Variants in ELAVL3 observed in about 807,000 individuals in gnomAD.
The protein encoded by ELAVL3 is ELAV like RNA binding protein 3, also known as ELAV-like protein 3.
Under a neutral mutation model 34.2 loss-of-function variants are expected in ELAVL3, and 8 were observed. That is an observed-to-expected ratio of 0.23 (90% confidence interval 0.14 to 0.42). The LOEUF is 0.42. ELAVL3 is among the 10% of genes least tolerant of loss of function. ELAVL3 has a pLI of 1.00. For missense variants in ELAVL3, 273 were observed against 518.8 expected, an observed-to-expected ratio of 0.53 and a Z score of 4.60; for synonymous variants, 209 against 222.1, an observed-to-expected ratio of 0.94 and a Z score of 0.53.
At chr19:11,459,104 C>T (rs572843201) in intron 3 of ELAVL3, among the ~76,000 whole-genome samples, 10 of 151,798 alleles carry the variant, frequency 6.6e-5, no homozygotes, top group East Asian at 1.9e-4. Context: ...CCCACCACCA[C>T]GCCTGACCAG....
chr19:11,467,775 C>T (rs1052747063), intron 1 of ELAVL3, among the ~76,000 whole-genome samples: 27 of 149,410 alleles, frequency 1.8e-4, no homozygotes, highest in African/African-American at 6.4e-4. Flanking sequence ...TGAACCACCG[C>T]GTCTGGCCCC....
In ELAVL3 at chr19:11,451,837, G is replaced by A. The variant is rs1970648679; in HGVS notation, c.*2689C>T. On this transcript the variant is annotated 3_prime_UTR_variant, in exon 7 of 7. Transcript: ENST00000359227. The stretch of plus-strand genomic sequence containing the variant: ...TGTGTGGGGAGGTGCCCCCTCTCTG[G>A]AGCCTGGCCCCCCCCAGGGTGGGGG... The A allele has an allele frequency of 6.6e-6, 1 of 151,752 alleles. No individual in the cohort carries two copies. Among genetic ancestry groups the A allele is most frequent in the Admixed American group, 6.6e-5 (1 of 15,266 alleles). The allele number at this position is 151,752 out of a possible 1,614,324, so 9.4% of individuals were successfully genotyped here.
chr19:11,475,612 C>CA (rs1971247495), intron 1 of ELAVL3, among the ~76,000 whole-genome samples: 1 of 133,768 alleles, frequency 7.5e-6, no homozygotes, highest in Admixed American at 7.6e-5. Flanking sequence ...TCACCATCTA[C>CA]TTTTTTTTTT....
At position 11,466,623 on chromosome 19, in the gene ELAVL3, G is replaced by A. The variant is rs755011401; in HGVS notation, c.214C>T (p.Arg72Trp). The change falls in exon 2 of 7, where the codon CGG becomes TGG. Residue 72 changes from arginine to tryptophan, a missense_variant. By Grantham distance (101) the Arg-to-Trp change is moderately radical. This residue lies in a region of ELAVL3 where 102 missense variants were observed against 250.1 expected (regional missense o/e 0.41). Transcript: ENST00000359227. The surrounding 1 kb of genome is among the most constrained non-coding windows in gnomAD (Gnocchi z 5.0). ...IGDIESCKLV[R>W]DKITGQSLGY... ...GCAGCCACACCTGTGATCTTGTCCC[G>A]AACCAACTTGCAGGACTCGATGTCG... The A allele has an allele frequency of 1.9e-6, 3 of 1,613,910 alleles. No homozygotes were observed. Among genetic ancestry groups the A allele is most frequent in the Non-Finnish European group, 2.5e-6 (3 of 1,179,994 alleles).
At chr19:11,479,645 GC>G in intron 1 of ELAVL3, among the ~76,000 whole-genome samples, 1 of 151,706 alleles carries the variant, frequency 6.6e-6, no homozygotes, top group African/African-American at 2.4e-5. Flanking sequence ...GGCCCCCGGG[GC>G]CCTGGGGGCG....
chr19:11,466,393 T>A lies in ELAVL3; in HGVS notation c.230-118A>T. 9.1e-7 allele frequency: 1 copy of A among 1,096,506 alleles called. No individual in the cohort carries two copies. Among genetic ancestry groups the A allele is most frequent in the Non-Finnish European group, 1.4e-6 (1 of 733,912 alleles). 67.9% of individuals were successfully genotyped at this position (1,096,506 alleles called of 1,614,324 possible). A position where few individuals can be genotyped will look rare whatever the true frequency, so the allele number is the denominator to read the frequency against. ...AAGTTTCCACCTTCCTGTTTCCAGA[T>A]GACACCTTCGATGCTAGAGTCCCAC... On this transcript the variant is annotated intron_variant, in intron 2 of 6. Transcript: ENST00000359227. This position sits in a 1 kb window ranked among gnomAD's most constrained non-coding sequence, Gnocchi z 5.0.
intron 3 of ELAVL3, among the ~76,000 whole-genome samples, chr19:11,459,118 T>G (rs1970830823): frequency 7.0e-6 from 1 of 142,680 alleles, no homozygotes; most frequent in Admixed American, 6.8e-5. Context: ...TGACCAGCAT[T>G]TTTTTTTTCT....
chr19:11,456,803 A>G (rs1238119306), intron 6 of ELAVL3, among the ~76,000 whole-genome samples: 1 of 152,062 alleles, frequency 6.6e-6, no homozygotes, highest in Non-Finnish European at 1.5e-5. Flanking sequence ...AGCCTGAACT[A>G]CAGGCATGCA....
chr19:11,467,480 T>G (rs1166111931), intron 1 of ELAVL3, among the ~76,000 whole-genome samples: 1 of 151,504 alleles, frequency 6.6e-6, no homozygotes, highest in Admixed American at 6.6e-5. Context: ...ACAGTAGCTT[T>G]CTTTGTTTTT....
At chr19:11,470,016 C>T (rs1971131477) in intron 1 of ELAVL3, among the ~76,000 whole-genome samples, 1 of 151,618 alleles carries the variant, frequency 6.6e-6, no homozygotes, top group Non-Finnish European at 1.5e-5. Flanking sequence ...ATAATCACAC[C>T]ACTGCACTCC....
rs1393513165 is a variant in ELAVL3 at position 11,454,821 on chromosome 19, A to G, written c.809T>C (p.Leu270Pro). Residue 270 changes from leucine to proline, a missense_variant, in exon 7 of 7, where the codon CTG (leucine) becomes CCG (proline). Coordinates refer to ENST00000359227, the MANE Select transcript of ELAVL3 (RefSeq NM_001420.4). The surrounding 1 kb of genome is among the most constrained non-coding windows in gnomAD (Gnocchi z 9.2). ...SPIAIDGMSG[L>P]AGVGLSGGAA... ...GCCCCCCGACAGGCCCACGCCCGCC[A>G]GGCCGCTCATACCATCGATGGCGAT... 6.2e-7 allele frequency: 1 copy of G among 1,610,138 alleles called. No homozygotes were observed. The highest frequency in any genetic ancestry group is 1.1e-5 in the South Asian group (1 of 90,950).
intron 3 of ELAVL3, among the ~76,000 whole-genome samples, chr19:11,463,641 G>A (rs560248209): frequency 1.3e-5 from 2 of 152,114 alleles, no homozygotes; most frequent in Non-Finnish European, 2.9e-5. Context: ...GGTCACAGCC[G>A]GAGTCACAGT....
At chr19:11,461,009 C>CAAAA (rs535847241) in intron 3 of ELAVL3, among the ~76,000 whole-genome samples, 1 of 89,794 alleles carries the variant, frequency 1.1e-5, no homozygotes, top group Non-Finnish European at 2.8e-5. Flanking sequence ...ACAACCTCTA[C>CAAAA]AAAAAAAAAA....
intron 3 of ELAVL3, among the ~76,000 whole-genome samples, chr19:11,465,761 G>A (rs926670628): frequency 1.3e-5 from 2 of 151,952 alleles, no homozygotes; most frequent in Non-Finnish European, 2.9e-5. Context: ...GGGGAGGGGC[G>A]TTGCACAAAG....
chr19:11,454,432 T>C lies in ELAVL3; in HGVS notation c.*94A>G. The stretch of plus-strand genomic sequence containing the variant: ...GCGTCGTCCGTGGGGCTGCCTGTGC[T>C]GTCTCTCTTGGGCCCCTTCTCTCTC... On this transcript the variant is annotated 3_prime_UTR_variant, in exon 7 of 7. Coordinates refer to ENST00000359227, the MANE Select transcript of ELAVL3 (RefSeq NM_001420.4). The surrounding 1 kb of genome is among the most constrained non-coding windows in gnomAD (Gnocchi z 9.2). 8.9e-6 allele frequency: 11 copies of C among 1,236,320 alleles called. No homozygotes were observed. Among genetic ancestry groups the C allele is most frequent in the Non-Finnish European group, 1.2e-5 (11 of 912,552 alleles). 76.6% of individuals were successfully genotyped at this position (1,236,320 alleles called of 1,614,324 possible).
chr19:11,478,510 G>A (rs1971305849), intron 1 of ELAVL3, among the ~76,000 whole-genome samples: 1 of 152,172 alleles, frequency 6.6e-6, no homozygotes, highest in Admixed American at 6.6e-5. Flanking sequence ...CAGAGATGGG[G>A]GGGTGGCAAA....
intron 3 of ELAVL3, among the ~76,000 whole-genome samples, chr19:11,464,189 G>GTC (rs1970962405): frequency 1.5e-5 from 2 of 132,878 alleles, no homozygotes; most frequent in South Asian, 4.7e-4. Flanking sequence ...TTTAGACAGG[G>GTC]TCTTGCTCTG....
Position 11,453,283 on chromosome 19 carries a change from G to C in ELAVL3, c.*1243C>G, listed in dbSNP as rs182278764. ...GCATGTGCGCTGCGTGTGCACGCCT[G>C]TGTTCGTGGGCGCCAAGGAGACCGC... On this transcript the variant is annotated 3_prime_UTR_variant, in exon 7 of 7. Coordinates refer to ENST00000359227, the MANE Select transcript of ELAVL3 (RefSeq NM_001420.4). The C allele has an allele frequency of 2.6e-3, 389 of 152,408 alleles. 1 individual carries two copies. The highest frequency in any genetic ancestry group is 6.7e-3 in the Middle Eastern group (2 of 298). The allele number at this position is 152,408 out of a possible 1,614,324, so 9.4% of individuals were successfully genotyped here.
Position 11,466,383 on chromosome 19 carries a change from T to C in ELAVL3, c.230-108A>G, listed in dbSNP as rs1251152162. The stretch of plus-strand genomic sequence containing the variant: ...CCTCCCCACCAAGTTTCCACCTTCC[T>C]GTTTCCAGATGACACCTTCGATGCT... On this transcript the variant is annotated intron_variant, in intron 2 of 6. Coordinates refer to ENST00000359227, the MANE Select transcript of ELAVL3 (RefSeq NM_001420.4). This position sits in a 1 kb window ranked among gnomAD's most constrained non-coding sequence, Gnocchi z 5.0. 2 of 1,140,810 alleles carry C rather than the reference T, an allele frequency of 1.8e-6. No homozygotes were observed. Among genetic ancestry groups the C allele is most frequent in the Middle Eastern group, 2.7e-4 (1 of 3,640 alleles). The allele number at this position is 1,140,810 out of a possible 1,614,324, so 70.7% of individuals were successfully genotyped here.
Sources: allele counts gnomAD v4.1 joint callset (sites outside exome capture counted in the v4.1 genomes callset), GRCh38; gene constraint gnomAD v4.1.1; regional missense constraint gnomAD v4.1.1; non-coding constraint Gnocchi (gnomAD v3.1); transcripts MANE v1.5; gene names NCBI Gene and HGNC (gene_info 2026-07-23, HGNC 2026-07-21).